Variants in DPYD observed in about 807,000 individuals in gnomAD.
DPYD encodes the protein dihydropyrimidine dehydrogenase.
In DPYD, 109 loss-of-function variants were observed where a neutral mutation model predicts 116.2. The ratio of observed to expected loss-of-function variants is 0.94; its 90% CI spans 0.80 to 1.10. The LOEUF is 1.10. DPYD is among the 50% of genes least tolerant of loss of function. The pLI, the probability that DPYD is intolerant of heterozygous loss-of-function variation, is 0.00. For synonymous variants in DPYD, 440 were observed against 432.0 expected (o/e 1.02, Z -0.23); for missense variants, 1,302 against 1,254.5 (o/e 1.04, Z -0.57).
intron 19 of DPYD, among the ~76,000 whole-genome samples, chr1:97,230,504 G>A (rs1194824826): frequency 1.3e-5 from 2 of 152,038 alleles, no homozygotes; most frequent in African/African-American, 4.8e-5. Context: ...ATGGGAGGAG[G>A]GAGAGGATCA....
At chr1:97,769,120 C>T (rs1666019767) in intron 3 of DPYD, among the ~76,000 whole-genome samples, 1 of 152,066 alleles carries the variant, frequency 6.6e-6, no homozygotes, top group South Asian at 2.1e-4. Context: ...CAGAATATCC[C>T]AGATTCTTTA....
At chr1:97,373,730 T>C in intron 15 of DPYD, 86 bp from the exon 16 acceptor site, 4 of 1,177,380 alleles carry the variant, frequency 3.4e-6, no homozygotes, top group Non-Finnish European at 5.0e-6. Flanking sequence ...ACAAGTCACA[T>C]TTGTCAAGTG....
intron 11 of DPYD, among the ~76,000 whole-genome samples, chr1:97,562,661 T>C (rs1372263831): frequency 1.3e-5 from 2 of 152,026 alleles, no homozygotes; most frequent in Non-Finnish European, 2.9e-5. Flanking sequence ...ATTTTGGGAG[T>C]AGATATTGAA....
At chr1:97,301,437 T>C (rs376936734) in intron 18 of DPYD, among the ~76,000 whole-genome samples, 2 of 152,100 alleles carry the variant, frequency 1.3e-5, no homozygotes, top group African/African-American at 4.8e-5. Context: ...TTTTTCAAGC[T>C]TGTGGGAAGT....
chr1:97,277,234 G>A (rs936538991), intron 18 of DPYD, among the ~76,000 whole-genome samples: 8 of 151,810 alleles, frequency 5.3e-5, no homozygotes, highest in African/African-American at 1.9e-4. Context: ...AGGAGGTAAG[G>A]GTTGAAAAAC....
intron 14 of DPYD, among the ~76,000 whole-genome samples, chr1:97,419,214 T>A (rs138362918): frequency 6.6e-6 from 1 of 152,316 alleles, no homozygotes; most frequent in East Asian, 1.9e-4. Flanking sequence ...CCATCCAACA[T>A]ACAGTTGCTT....
chr1:97,475,923 C>A lies in DPYD; in HGVS notation c.1741-25700G>T, dbSNP rs111718354. ...AGGTTACACTCTACTCACTGGATAC[C>A]TATACATTGTTGAGTTTGATTATTA... On this transcript the variant is annotated intron_variant, in intron 13 of 22. Coordinates refer to ENST00000370192, the MANE Select transcript of DPYD (RefSeq NM_000110.4). 8.2e-3 allele frequency among the ~76,000 whole-genome samples: 1,247 copies of A among 152,256 alleles called. 14 individuals are homozygous for A. The highest frequency in any genetic ancestry group is 0.029 in the African/African-American group (1,185 of 41,532).
intron 13 of DPYD, among the ~76,000 whole-genome samples, chr1:97,492,552 G>A (rs2811188): frequency 0.59 from 90,144 of 151,954 alleles, 26,923 homozygotes; most frequent in East Asian, 0.75. Context: ...CACGTATGCA[G>A]ATCATAGTAT....
rs1026881057 is a variant in DPYD at position 97,525,899 on chromosome 1, T to C, written c.1525-9958A>G. Among the ~76,000 whole-genome samples the C allele has an allele frequency of 3.3e-4, 47 of 142,540 alleles. 2 individuals carry two copies. The highest frequency in any genetic ancestry group is 9.5e-4 in the African/African-American group (38 of 39,976). The allele number at this position is 142,540 out of a possible 152,430, so 93.5% of individuals were successfully genotyped here. On this transcript the variant is annotated intron_variant, in intron 12 of 22. Coordinates refer to ENST00000370192, the MANE Select transcript of DPYD (RefSeq NM_000110.4). ...GTGTGTGTGTGTGCGCGCGCGCGTG[T>C]GTGTGTGTGTGTGTTTTAGGCCAGT...
At chr1:97,334,799 T>C (rs1669200670) in intron 16 of DPYD, among the ~76,000 whole-genome samples, 1 of 152,154 alleles carries the variant, frequency 6.6e-6, no homozygotes, top group African/African-American at 2.4e-5. Flanking sequence ...TGGATATCAG[T>C]GCTCAGCAGA....
chr1:97,473,812 G>A (rs1288325828), intron 13 of DPYD, among the ~76,000 whole-genome samples: 5 of 152,112 alleles, frequency 3.3e-5, no homozygotes, highest in Non-Finnish European at 7.4e-5. Context: ...TTTGAGACCA[G>A]CCTGGGCAAC....
At chr1:97,632,691 A>G (rs1006334759) in intron 8 of DPYD, among the ~76,000 whole-genome samples, 2 of 152,128 alleles carry the variant, frequency 1.3e-5, no homozygotes, top group African/African-American at 2.4e-5. Flanking sequence ...TGTTGTGCAA[A>G]TAAGCAACCA....
At chr1:97,196,289 T>C (rs1658803299) in intron 19 of DPYD, among the ~76,000 whole-genome samples, 1 of 151,760 alleles carries the variant, frequency 6.6e-6, no homozygotes, top group African/African-American at 2.4e-5. Context: ...TTTATTTATT[T>C]ATTTTTTTAT....
intron 12 of DPYD, among the ~76,000 whole-genome samples, chr1:97,522,103 A>G (rs907718508): frequency 1.3e-5 from 2 of 152,218 alleles, no homozygotes; most frequent in African/African-American, 2.4e-5. Flanking sequence ...AGAAACTATC[A>G]TCAGAGTGAA....
intron 13 of DPYD, among the ~76,000 whole-genome samples, chr1:97,486,733 T>C (rs1480895073): frequency 6.6e-6 from 1 of 152,174 alleles, no homozygotes; most frequent in Non-Finnish European, 1.5e-5. Context: ...TTTTCATTAA[T>C]ACCTTTAGTT....
chr1:97,824,570 C>T (rs1669133865), intron 3 of DPYD, among the ~76,000 whole-genome samples: 1 of 152,164 alleles, frequency 6.6e-6, no homozygotes, highest in Non-Finnish European at 1.5e-5. Flanking sequence ...GGCTCTCACA[C>T]TAAATGGCAC....
chr1:97,719,526 CT>C (rs989700933), intron 5 of DPYD, among the ~76,000 whole-genome samples: 1 of 151,922 alleles, frequency 6.6e-6, no homozygotes, highest in African/African-American at 2.4e-5. Flanking sequence ...TACACTTCAA[CT>C]TAAATACTCA....
At chr1:97,437,509 T>C (rs1181806088) in intron 14 of DPYD, among the ~76,000 whole-genome samples, 1 of 151,918 alleles carries the variant, frequency 6.6e-6, no homozygotes, top group African/African-American at 2.4e-5. Flanking sequence ...ATAAAACTTC[T>C]ATGAACATTC....
intron 3 of DPYD, among the ~76,000 whole-genome samples, chr1:97,752,769 G>A (rs896438300): frequency 3.3e-5 from 5 of 152,066 alleles, no homozygotes; most frequent in African/African-American, 9.7e-5. Context: ...ATAGCACCCC[G>A]TGGGTTCCCT....
Sources: allele counts gnomAD v4.1 joint callset (sites outside exome capture counted in the v4.1 genomes callset), GRCh38; gene constraint gnomAD v4.1.1; transcripts MANE v1.5; gene names NCBI Gene and HGNC (gene_info 2026-07-23, HGNC 2026-07-21).